EMILIN2: variants seen among roughly 807,000 people sequenced by gnomAD.
EMILIN2 encodes the protein elastin microfibril interfacer 2, also known as EMILIN-2.
A neutral mutation model predicts 87.1 loss-of-function variants in EMILIN2; 71 were observed. That is an observed-to-expected ratio of 0.82 (90% CI 0.67 to 0.99). The LOEUF (loss-of-function observed/expected upper bound fraction) is 0.99. EMILIN2 is among the 50% of genes least tolerant of loss of function. The pLI is 0.00. For synonymous variants in EMILIN2, 581 were observed against 563.4 expected (o/e 1.03, Z -0.44); for missense variants, 1,407 against 1,371.8 (o/e 1.03, Z -0.40).
chr18:2,856,568 A>G (rs2076628446), intron 2 of EMILIN2, among the ~76,000 whole-genome samples: 1 of 152,212 alleles, frequency 6.6e-6, no homozygotes, highest in Non-Finnish European at 1.5e-5. Context: ...TGCTGCGTGT[A>G]CATAATGAAG....
intron 2 of EMILIN2, among the ~76,000 whole-genome samples, chr18:2,858,717 C>A (rs762010451): frequency 2.8e-4 from 42 of 150,644 alleles, no homozygotes; most frequent in Non-Finnish European, 5.9e-4. Context: ...CTCACTGCAA[C>A]CTCTGCCTCC....
chr18:2,897,915 A>G (rs1345740611), intron 4 of EMILIN2, among the ~76,000 whole-genome samples: 1 of 151,622 alleles, frequency 6.6e-6, no homozygotes, highest in African/African-American at 2.4e-5. Flanking sequence ...TCACAGCTTC[A>G]TGTATCTCGT....
In EMILIN2 at chr18:2,860,458, A is replaced by G. The variant is rs138720410; in HGVS notation, c.257+12527A>G. The stretch of plus-strand genomic sequence containing the variant: ...TGTGTCCATGTGTTATCATTGTTCA[A>G]TTCCCACCTGTGAGTGAGAACATGT... On this transcript the variant is annotated intron_variant, in intron 2 of 7. Transcript: ENST00000254528. Among the ~76,000 whole-genome samples, 586 of 152,186 alleles carry G rather than the reference A, an allele frequency of 3.9e-3. 4 individuals carry two copies. Among genetic ancestry groups the G allele is most frequent in the African/African-American group, 0.014 (563 of 41,498 alleles).
chr18:2,904,497 A>G (rs1295708864), intron 4 of EMILIN2, among the ~76,000 whole-genome samples: 2 of 152,096 alleles, frequency 1.3e-5, no homozygotes, highest in Non-Finnish European at 2.9e-5. Flanking sequence ...ATCATGTTCT[A>G]CCTTCTGAAA....
chr18:2,865,271 C>T (rs1598487858), intron 2 of EMILIN2, among the ~76,000 whole-genome samples: 1 of 152,156 alleles, frequency 6.6e-6, no homozygotes, highest in African/African-American at 2.4e-5. Context: ...GAGCTGTGTT[C>T]CTTTGGAGGA....
chr18:2,871,008 G>C (rs1362439911), intron 2 of EMILIN2, among the ~76,000 whole-genome samples: 1 of 152,090 alleles, frequency 6.6e-6, no homozygotes, highest in East Asian at 1.9e-4. Context: ...AGACCTATTG[G>C]ATCAGTACCC....
At chr18:2,904,410 C>CT (rs1162932274) in intron 4 of EMILIN2, among the ~76,000 whole-genome samples, 2 of 152,112 alleles carry the variant, frequency 1.3e-5, no homozygotes, top group Admixed American at 6.5e-5. Flanking sequence ...TTTCTGATTT[C>CT]TTTTTTTCTG....
rs370209149 is a variant in EMILIN2, at chr18:2,885,095, G to A, written c.389G>A (p.Arg130His). The change falls in exon 3 of 8, where the codon CGC becomes CAC. Residue 130 changes from arginine to histidine, a missense_variant. Transcript: ENST00000254528. The stretch of plus-strand genomic sequence containing the variant: ...CCCAAAGACCCCGTGAAGACCCTCC[G>A]CCCCACGCCGGCTCGGCCTCGAAAC... ...EGPKDPVKTL[R>H]PTPARPRNSL... 35 of 1,612,324 alleles carry A rather than the reference G, an allele frequency of 2.2e-5. No homozygotes were observed. The highest frequency in any genetic ancestry group is 2.9e-5 in the Non-Finnish European group (34 of 1,179,438).
intron 2 of EMILIN2, among the ~76,000 whole-genome samples, chr18:2,852,738 C>G (rs765954555): frequency 6.6e-6 from 1 of 152,184 alleles, no homozygotes; most frequent in African/African-American, 2.4e-5. Context: ...AGACTGCTCT[C>G]GAACTCCTGA....
In EMILIN2 at chr18:2,890,931, A is replaced by G; in HGVS notation, c.804A>G (p.Glu268=). Residue 268 remains glutamate, a synonymous_variant, in exon 4 of 8, where the codon GAA becomes GAG. Coordinates refer to ENST00000254528, the MANE Select transcript of EMILIN2 (RefSeq NM_032048.3). This position sits in a 1 kb window ranked among gnomAD's most constrained non-coding sequence, Gnocchi z 4.7. ...GMKDIKSELA[E]VKDTLKNKSD... ...AGGACATCAAGTCTGAATTGGCTGA[A>G]GTCAAAGATACTCTAAAGAACAAAA... 1 of 1,614,136 alleles carries G rather than the reference A, an allele frequency of 6.2e-7. No homozygotes were observed. Among genetic ancestry groups the G allele is most frequent in the Non-Finnish European group, 8.5e-7 (1 of 1,180,038 alleles).
intron 4 of EMILIN2, among the ~76,000 whole-genome samples, chr18:2,896,994 T>C (rs2076866861): frequency 6.6e-6 from 1 of 152,060 alleles, no homozygotes; most frequent in Non-Finnish European, 1.5e-5. Flanking sequence ...AAAAAATATA[T>C]ACTTTTGAGA....
At chr18:2,906,603 C>T (rs1306007210) in intron 4 of EMILIN2, 180 bp from the exon 5 acceptor site, 4 of 452,336 alleles carry the variant, frequency 8.8e-6, no homozygotes, top group African/African-American at 6.2e-5. Context: ...GGGTGGCCCG[C>T]GGCGTCCTCG....
chr18:2,881,636 A>G (rs2076777219), intron 2 of EMILIN2, among the ~76,000 whole-genome samples: 1 of 152,212 alleles, frequency 6.6e-6, no homozygotes, highest in South Asian at 2.1e-4. Context: ...GGCCTGGCTC[A>G]GCCTCCTCTG....
At chr18:2,906,213 G>A (rs1391874723) in intron 4 of EMILIN2, 1 of 152,242 alleles carries the variant, frequency 6.6e-6, no homozygotes. Flanking sequence ...TTCCCCAGAG[G>A]GCCGGGAGAC....
In EMILIN2 at chr18:2,892,462, C is replaced by A. The variant is rs750218671; in HGVS notation, c.2335C>A (p.Leu779Met). Residue 779 changes from leucine (L) to methionine (M), a missense_variant, in exon 4 of 8, where the codon CTG becomes ATG. Leu to Met is a conservative substitution (Grantham distance 15). Coordinates refer to ENST00000254528, the MANE Select transcript of EMILIN2 (RefSeq NM_032048.3). ...CCAGATTTCTACTGATTTGCAAGATCTGGTCAAATTTCAGCCATCAGCAAG... is the reference window on the plus strand; with the variant it reads ...CCAGATTTCTACTGATTTGCAAGATATGGTCAAATTTCAGCCATCAGCAAG... ...VFQISTDLQD[L>M]VKFQPSAKAP... The A allele has an allele frequency of 1.3e-5, 20 of 1,599,228 alleles. No homozygotes were observed. The South Asian group carries it at 2.1e-4, about 17-fold the overall frequency.
chr18:2,884,763 G>C (rs1165302740), intron 2 of EMILIN2, among the ~76,000 whole-genome samples: 1 of 152,152 alleles, frequency 6.6e-6, no homozygotes, highest in South Asian at 2.1e-4. Flanking sequence ...GGATTGGGGA[G>C]CCCCTGCCTT....
chr18:2,869,620 T>C (rs956240878), intron 2 of EMILIN2, among the ~76,000 whole-genome samples: 5 of 152,108 alleles, frequency 3.3e-5, no homozygotes, highest in Non-Finnish European at 5.9e-5. Context: ...TTTTTTGAGA[T>C]GGGATCTCAC....
At chr18:2,893,053 A>G (rs879325234) in intron 4 of EMILIN2, among the ~76,000 whole-genome samples, 1 of 152,130 alleles carries the variant, frequency 6.6e-6, no homozygotes, top group Non-Finnish European at 1.5e-5. Context: ...CTCCATCTCA[A>G]ATAAATAAAC....
At position 2,889,133 on chromosome 18, in the gene EMILIN2, C is replaced by CTTTTTTTTT. The variant is rs772439545; in HGVS notation, c.434-1414_434-1406dup. Among the ~76,000 whole-genome samples the CTTTTTTTTT allele has an allele frequency of 2.5e-3, 210 of 84,304 alleles. 1 individual carries two copies. Among genetic ancestry groups the CTTTTTTTTT allele is most frequent in the African/African-American group, 3.6e-3 (72 of 20,260 alleles). 55.3% of individuals were successfully genotyped at this position (84,304 alleles called of 152,430 possible). The stretch of plus-strand genomic sequence containing the variant: ...TCTTTCCTTTTCATTTCTTTCTTTT[C>CTTTTTTTTT]TTTTTTTTTTTTTTTTTTTTTTGAG... On this transcript the variant is annotated intron_variant, in intron 3 of 7. Coordinates refer to ENST00000254528, the MANE Select transcript of EMILIN2 (RefSeq NM_032048.3).
Sources: allele counts gnomAD v4.1 joint callset (sites outside exome capture counted in the v4.1 genomes callset), GRCh38; gene constraint gnomAD v4.1.1; non-coding constraint Gnocchi (gnomAD v3.1); transcripts MANE v1.5; gene names NCBI Gene and HGNC (gene_info 2026-07-23, HGNC 2026-07-21).